Variants in EYS observed in about 807,000 individuals in gnomAD.
The protein encoded by EYS is protein eyes shut homolog.
EYS carries 250 observed loss-of-function variants against 282.1 expected under a neutral mutation model. That is an observed-to-expected ratio of 0.89 (90% CI 0.80 to 0.98). The LOEUF (loss-of-function observed/expected upper bound fraction) is 0.98. Ranked by LOEUF, EYS falls within the 50% of genes least tolerant of loss-of-function variation. The probability of loss-of-function intolerance (pLI) is 0.00; values close to 1 mark genes in which losing one functional copy is unlikely to be tolerated. For missense variants in EYS, 4,016 were observed against 3,709.0 expected (o/e 1.08, Z -2.15); for synonymous variants, 1,355 against 1,282.9 (o/e 1.06, Z -1.20).
chr6:64,718,298 C>T (rs2349991), intron 22 of EYS, among the ~76,000 whole-genome samples: 136,197 of 152,062 alleles, frequency 0.9, 61,225 homozygotes, highest in Middle Eastern at 0.96. Context: ...GGTTATGAGC[C>T]ACTCCCATCC....
intron 33 of EYS, among the ~76,000 whole-genome samples, chr6:64,035,093 G>A (rs1201808759): frequency 1.3e-5 from 2 of 152,174 alleles, no homozygotes; most frequent in Non-Finnish European, 2.9e-5. Context: ...TGCTGAACAC[G>A]TGGCAGTACA....
At chr6:65,110,162 A>T (rs1405965561) in intron 12 of EYS, among the ~76,000 whole-genome samples, 1 of 152,100 alleles carries the variant, frequency 6.6e-6, no homozygotes, top group African/African-American at 2.4e-5. Flanking sequence ...TGTCCTAGAA[A>T]ACCAGTTTTT....
chr6:65,526,411 CTCT>C (rs1161131049), intron 2 of EYS, among the ~76,000 whole-genome samples: 1 of 152,152 alleles, frequency 6.6e-6, no homozygotes, highest in Non-Finnish European at 1.5e-5. Flanking sequence ...GATGCCATCA[CTCT>C]TCTTATCTCT....
chr6:64,337,860 T>C lies in EYS; in HGVS notation c.6079-30778A>G, dbSNP rs538706673. Reference sequence around the variant, plus strand: ...CAATAAATGTGATACACCATATACATGGAATTAAAAAGAAACATCACATGA... The same window carrying C: ...CAATAAATGTGATACACCATATACACGGAATTAAAAAGAAACATCACATGA... On this transcript the variant is annotated intron_variant, in intron 29 of 42. Transcript: ENST00000503581. 2.0e-5 allele frequency among the ~76,000 whole-genome samples: 3 copies of C among 151,906 alleles called. No individual in the cohort carries two copies. In the South Asian group the frequency reaches 6.2e-4, roughly 32 times the overall value.
chr6:64,861,642 C>T (rs12200613), intron 19 of EYS, among the ~76,000 whole-genome samples: 5,234 of 152,308 alleles, frequency 0.034, 115 homozygotes, highest in Non-Finnish European at 0.049. Flanking sequence ...CTGGTCCTAA[C>T]TCCTATCACA....
At chr6:64,755,675 A>G (rs1005926522) in intron 22 of EYS, among the ~76,000 whole-genome samples, 16 of 152,106 alleles carry the variant, frequency 1.1e-4, no homozygotes, top group Non-Finnish European at 2.4e-4. Flanking sequence ...TCTCACTTGT[A>G]AGTTTGAGCT....
At chr6:64,395,700 G>C (rs938373864) in intron 28 of EYS, among the ~76,000 whole-genome samples, 18 of 151,026 alleles carry the variant, frequency 1.2e-4, no homozygotes, top group Non-Finnish European at 2.5e-4. Flanking sequence ...GAGTTAGTGG[G>C]TGCAGCGCAC....
chr6:65,384,349 A>C (rs1181041650), intron 8 of EYS, 37 bp downstream of exon 8: 1 of 1,158,670 alleles, frequency 8.6e-7, no homozygotes. Context: ...TGTATTTTGA[A>C]GGGCTAACTT....
At chr6:65,218,862 G>T (rs1766385916) in intron 12 of EYS, among the ~76,000 whole-genome samples, 1 of 152,050 alleles carries the variant, frequency 6.6e-6, no homozygotes, top group African/African-American at 2.4e-5. Flanking sequence ...GTCGGGTAGA[G>T]AAGAGAAAAG....
At chr6:65,406,848 A>C (rs989529763) in intron 5 of EYS, among the ~76,000 whole-genome samples, 7 of 152,140 alleles carry the variant, frequency 4.6e-5, no homozygotes, top group Admixed American at 3.9e-4. Context: ...GACCAGATAA[A>C]TACATAATGC....
At chr6:64,389,846 T>C in intron 28 of EYS, among the ~76,000 whole-genome samples, 1 of 152,116 alleles carries the variant, frequency 6.6e-6, no homozygotes, top group East Asian at 1.9e-4. Context: ...ATTTCTGCCA[T>C]TTCCATCTGA....
Position 65,465,971 on chromosome 6 carries a change from A to T in EYS, c.862+24623T>A, listed in dbSNP as rs902315276. Among the ~76,000 whole-genome samples the T allele has an allele frequency of 1.6e-4, 8 of 50,696 alleles. No individual in the cohort carries two copies. In the East Asian group the frequency reaches 1.9e-3, roughly 12 times the overall value. The allele number at this position is 50,696 out of a possible 152,430, so 33.3% of individuals were successfully genotyped here. On this transcript the variant is annotated intron_variant, in intron 5 of 42. Coordinates refer to ENST00000503581, the MANE Select transcript of EYS (RefSeq NM_001142800.2). ...TGGATGAAGAGTAAGACCCTGTATC[A>T]ATCAATCAATCAATCAATCAATCAA...
intron 12 of EYS, among the ~76,000 whole-genome samples, chr6:65,273,841 G>A (rs899806993): frequency 1.3e-5 from 2 of 152,116 alleles, no homozygotes; most frequent in African/African-American, 2.4e-5. Context: ...CGAATCCACT[G>A]AGCCAGTGCG....
intron 15 of EYS, 37 bp downstream of exon 15, chr6:64,945,756 G>T (rs1336068403): frequency 3.2e-6 from 5 of 1,539,222 alleles, no homozygotes; most frequent in East Asian, 2.5e-5. Context: ...AGCACTCCAA[G>T]TAATTTCATG....
chr6:65,167,740 G>C (rs1267428651), intron 12 of EYS, among the ~76,000 whole-genome samples: 4 of 151,226 alleles, frequency 2.6e-5, no homozygotes, highest in Non-Finnish European at 5.9e-5. Flanking sequence ...CTTTATCACT[G>C]TGTCTTTTGG....
At chr6:64,451,221 C>G (rs1775324211) in intron 26 of EYS, among the ~76,000 whole-genome samples, 1 of 152,156 alleles carries the variant, frequency 6.6e-6, no homozygotes, top group African/African-American at 2.4e-5. Flanking sequence ...TCAGAGAATA[C>G]TATAAACACC....
At chr6:65,642,773 A>C (rs970980938) in intron 1 of EYS, among the ~76,000 whole-genome samples, 4 of 152,218 alleles carry the variant, frequency 2.6e-5, no homozygotes, top group Admixed American at 1.3e-4. Flanking sequence ...AAGATATTTT[A>C]AAATATATCT....
chr6:65,469,974 GC>G (rs1233702170), intron 5 of EYS, among the ~76,000 whole-genome samples: 1 of 152,014 alleles, frequency 6.6e-6, no homozygotes, highest in Non-Finnish European at 1.5e-5. Context: ...TTTATGTATG[GC>G]TTTTAAAAAT....
chr6:64,438,649 TAAG>T (rs983814827), intron 27 of EYS, among the ~76,000 whole-genome samples: 7 of 139,652 alleles, frequency 5.0e-5, no homozygotes, highest in Admixed American at 7.2e-5. Context: ...AAGTTGAAAA[TAAG>T]GAGAAAAAAA....
Sources: gnomAD v4.1 joint callset for allele counts (sites outside exome capture counted in the v4.1 genomes callset) on GRCh38, gnomAD v4.1.1 for gene constraint, MANE v1.5 for transcripts, NCBI Gene and HGNC (gene_info 2026-07-23, HGNC 2026-07-21) for gene names.